Variants in TUT7 observed in about 807,000 individuals in gnomAD.
TUT7 encodes the protein terminal uridylyltransferase 7.
TUT7 carries 33 observed loss-of-function variants against 165.9 expected under a neutral mutation model. The observed-to-expected ratio is 0.20, with a 90% CI of 0.15 to 0.27. The LOEUF (loss-of-function observed/expected upper bound fraction) is 0.27, where lower values mean the gene tolerates loss of function less well. Among genes scored for constraint, TUT7 ranks in the 10% least tolerant of loss-of-function variants. TUT7 has a pLI of 1.00. For missense variants in TUT7, 1,338 were observed against 1,762.3 expected, an observed-to-expected ratio of 0.76 and a Z score of 4.31; for synonymous variants, 552 against 608.1, an observed-to-expected ratio of 0.91 and a Z score of 1.36.
In TUT7 at chr9:86,312,045, G is replaced by A. The variant is rs543398304; in HGVS notation, c.3275-1236C>T. Among the ~76,000 whole-genome samples, 62 of 151,894 alleles carry A rather than the reference G, an allele frequency of 4.1e-4. No homozygotes were observed. The South Asian group carries it at 0.012, about 29-fold the overall frequency. On this transcript the variant is annotated intron_variant, in intron 17 of 26. Coordinates refer to ENST00000375963, the MANE Select transcript of TUT7 (RefSeq NM_024617.4). ...GCAGCCTCTGCCCGGCCGCCACCCC[G>A]TCTGGGAAGTGAGGAGCATCTGTGC...
chr9:86,337,646 G>A (rs1239992913), intron 9 of TUT7, 108 bp from the exon 10 acceptor site: 19 of 1,306,770 alleles, frequency 1.5e-5, no homozygotes, highest in African/African-American at 1.1e-4. Flanking sequence ...CATGATTTAC[G>A]GTAATTCTTC....
intron 7 of TUT7, among the ~76,000 whole-genome samples, chr9:86,340,507 T>A (rs1342030561): frequency 6.6e-6 from 1 of 152,144 alleles, no homozygotes; most frequent in East Asian, 1.9e-4. Flanking sequence ...GATGACTAAT[T>A]CAAGAGATGA....
chr9:86,310,471 T>TTC (rs1275701461), intron 18 of TUT7, among the ~76,000 whole-genome samples: 1 of 152,172 alleles, frequency 6.6e-6, no homozygotes, highest in Non-Finnish European at 1.5e-5. Context: ...ATAAGATCTC[T>TTC]CTGCACAAAC....
At position 86,323,315 on chromosome 9, in the gene TUT7, A is replaced by C. The variant is rs1018541613; in HGVS notation, c.2435T>G (p.Leu812Arg). The C allele has an allele frequency of 5.6e-6, 9 of 1,613,970 alleles. No homozygotes were observed. The highest frequency in any genetic ancestry group is 7.6e-6 in the Non-Finnish European group (9 of 1,180,008). Reference protein sequence around the residue: ...GLATLDNKADLDGESTEGTEE... With the variant: ...GLATLDNKADRDGESTEGTEE... Reference sequence around the variant, plus strand: ...AGTACCTTCTGTACTTTCTCCATCAAGATCAGCCTTGTTATCTAAAGTGGC... The same window carrying C: ...AGTACCTTCTGTACTTTCTCCATCACGATCAGCCTTGTTATCTAAAGTGGC... Residue 812 changes from leucine (L) to arginine (R), a missense_variant, in exon 13 of 27, where the codon CTT (leucine) becomes CGT (arginine). Coordinates refer to ENST00000375963, the MANE Select transcript of TUT7 (RefSeq NM_024617.4).
At chr9:86,313,621 T>G (rs1413980142) in intron 17 of TUT7, among the ~76,000 whole-genome samples, 9 of 152,192 alleles carry the variant, frequency 5.9e-5, no homozygotes, top group Admixed American at 3.9e-4. Context: ...TAGGTAAGAT[T>G]GACTCCCAAC....
rs763582765 is a variant in TUT7 at position 86,328,441 on chromosome 9, C to T, written c.1507G>A (p.Glu503Lys). 1 of 1,612,258 alleles carries T rather than the reference C, an allele frequency of 6.2e-7. No homozygotes were observed. Among genetic ancestry groups the T allele is most frequent in the Admixed American group, 1.7e-5 (1 of 59,798 alleles). The stretch of plus-strand genomic sequence containing the variant: ...TGTTCCCAGATCACAACATCTTTTT[C>T]AATGTCTTGAAGGTTGAAATTCCCT... ...KLGNFNLQDI[E>K]KDVVIWEHTD... The change falls in exon 11 of 27, where the codon GAA becomes AAA. Residue 503 changes from glutamate to lysine, a missense_variant. By Grantham distance (56) the Glu-to-Lys change is moderately conservative. Transcript: ENST00000375963.
Position 86,337,199 on chromosome 9 carries a change from C to T in TUT7, c.1455+220G>A, listed in dbSNP as rs1830864611. On this transcript the variant is annotated intron_variant, in intron 10 of 26. Transcript: ENST00000375963. ...TTCAAAAATTAAGAGATTTTGCAGT[C>T]TAGAAAGGTAATAATATCCCTAAGC... 4 of 481,214 alleles carry T rather than the reference C, an allele frequency of 8.3e-6. No individual in the cohort carries two copies. The Admixed American group carries it at 1.2e-4, about 14-fold the overall frequency. The allele number at this position is 481,214 out of a possible 1,614,324, so 29.8% of individuals were successfully genotyped here. A position where few individuals can be genotyped will look rare whatever the true frequency, so the allele number is the denominator to read the frequency against.
intron 26 of TUT7, among the ~76,000 whole-genome samples, chr9:86,297,578 A>G (rs559373476): frequency 6.6e-6 from 1 of 152,192 alleles, no homozygotes; most frequent in South Asian, 2.1e-4. Context: ...CTATCATTTT[A>G]GTATTTTGGG....
At chr9:86,339,859 G>T in intron 8 of TUT7, 177 bp downstream of exon 8, 1 of 466,698 alleles carries the variant, frequency 2.1e-6, no homozygotes, top group African/African-American at 2.0e-5. Flanking sequence ...TTTTTAAAAT[G>T]AGATTTTCCC....
intron 2 of TUT7, among the ~76,000 whole-genome samples, chr9:86,347,877 A>C (rs549980889): frequency 4.6e-5 from 7 of 151,370 alleles, no homozygotes; most frequent in Admixed American, 1.3e-4. Context: ...TCTGGTCTGA[A>C]CAATTTTTTT....
At chr9:86,297,813 A>T (rs529804130) in intron 26 of TUT7, among the ~76,000 whole-genome samples, 2 of 152,120 alleles carry the variant, frequency 1.3e-5, no homozygotes, top group African/African-American at 4.8e-5. Flanking sequence ...TGAGGGAGAA[A>T]AAAACCAACA....
chr9:86,308,569 G>T lies in TUT7; in HGVS notation c.3698C>A (p.Ser1233Tyr). 6.2e-7 allele frequency: 1 copy of T among 1,613,498 alleles called. No individual in the cohort carries two copies. Among genetic ancestry groups the T allele is most frequent in the East Asian group, 2.2e-5 (1 of 44,840 alleles). Reference sequence around the variant, plus strand: ...AAGGCCCAACCATAACTGCCCAACAGATTCTGTATTTTTTCCACATTCTGA... The same window carrying T: ...AAGGCCCAACCATAACTGCCCAACATATTCTGTATTTTTTCCACATTCTGA... Reference protein sequence around the residue: ...YWSECGKNTESVGQLWLGLLR... With the variant: ...YWSECGKNTEYVGQLWLGLLR... Residue 1233 changes from serine (S) to tyrosine (Y), a missense_variant, in exon 22 of 27, where the codon TCT becomes TAT. By Grantham distance (144) the Ser-to-Tyr change is moderately radical. Transcript: ENST00000375963.
chr9:86,343,203 AG>A (rs775891488), intron 5 of TUT7, 40 bp from the exon 6 acceptor site: 4 of 1,265,212 alleles, frequency 3.2e-6, no homozygotes, highest in South Asian at 1.6e-5. Context: ...TAAATACAGT[AG>A]AATTTCTCAA....
chr9:86,291,364 A>T (rs1294606039), intron 26 of TUT7, among the ~76,000 whole-genome samples: 3 of 152,124 alleles, frequency 2.0e-5, no homozygotes, highest in African/African-American at 4.8e-5. Context: ...TGAGGTCAGG[A>T]GTTCAAGGCC....
intron 10 of TUT7, among the ~76,000 whole-genome samples, chr9:86,332,268 G>A (rs955204215): frequency 1.3e-5 from 2 of 152,092 alleles, no homozygotes; most frequent in African/African-American, 2.4e-5. Context: ...ATTCACAATA[G>A]CAAAGACGTG....
chr9:86,309,527 T>C lies in TUT7; in HGVS notation c.3518A>G (p.Tyr1173Cys). The C allele has an allele frequency of 6.2e-7, 1 of 1,613,686 alleles. No homozygotes were observed. The highest frequency in any genetic ancestry group is 8.5e-7 in the Non-Finnish European group (1 of 1,179,910). The change falls in exon 20 of 27, where the codon TAT (tyrosine) becomes TGT (cysteine). Residue 1173 changes from tyrosine to cysteine, a missense_variant. Transcript: ENST00000375963. ...ASRGSLSSYA[Y>C]TLMVLYFLQQ... is the part of the protein sequence containing the mutation. ...GAGAAAATATAGCACCATAAGAGTATATGCATACGATGATAAGCTGCCTCT... is the reference window on the plus strand; with the variant it reads ...GAGAAAATATAGCACCATAAGAGTACATGCATACGATGATAAGCTGCCTCT...
Position 86,345,710 on chromosome 9 carries a change from G to A in TUT7, c.778C>T (p.His260Tyr). ...DVLIESIAFA[H>Y]KHIKEKRHKK... ...TGCCTCTTTTCCTTGATATGCTTAT[G>A]GGCAAATGCAATGGATTCAATTAAA... Residue 260 changes from histidine (H) to tyrosine (Y), a missense_variant, in exon 4 of 27, where the codon CAT (histidine) becomes TAT (tyrosine). This residue lies in a region of TUT7 where 434 missense variants were observed against 480.8 expected (regional missense o/e 0.90). Coordinates refer to ENST00000375963, the MANE Select transcript of TUT7 (RefSeq NM_024617.4). 1 of 1,613,632 alleles carries A rather than the reference G, an allele frequency of 6.2e-7. No individual in the cohort carries two copies. The highest frequency in any genetic ancestry group is 1.3e-5 in the African/African-American group (1 of 74,994).
At chr9:86,307,433 CA>C (rs1394805768) in intron 22 of TUT7, among the ~76,000 whole-genome samples, 1 of 152,056 alleles carries the variant, frequency 6.6e-6, no homozygotes, top group Non-Finnish European at 1.5e-5. Context: ...ATTCATTTTA[CA>C]AAAGTTCATT....
Position 86,288,038 on chromosome 9 carries a change from T to G in TUT7, c.*639A>C, listed in dbSNP as rs1248497610. ...ACTACTTGTTTTCCTTACTTCATTT[T>G]TATAAGCATAGTAGTTATATGTCAA... On this transcript the variant is annotated 3_prime_UTR_variant, in exon 27 of 27. Transcript: ENST00000375963. 6.6e-6 allele frequency: 1 copy of G among 152,256 alleles called. No individual in the cohort carries two copies. The highest frequency in any genetic ancestry group is 1.5e-5 in the Non-Finnish European group (1 of 68,038). 9.4% of individuals were successfully genotyped at this position (152,256 alleles called of 1,614,324 possible).
Sources: allele counts gnomAD v4.1 joint callset (sites outside exome capture counted in the v4.1 genomes callset), GRCh38; gene constraint gnomAD v4.1.1; regional missense constraint gnomAD v4.1.1; transcripts MANE v1.5; gene names NCBI Gene and HGNC (gene_info 2026-07-23, HGNC 2026-07-21).